The following SNX4 variants were observed in gnomAD, a reference collection of about 807,000 sequenced individuals.
The protein encoded by SNX4 is sorting nexin-4.
In SNX4, 49 loss-of-function variants were observed where a neutral mutation model predicts 70.8. The observed-to-expected ratio is 0.69, with a 90% CI of 0.55 to 0.88. The LOEUF is 0.88. Ranked by LOEUF, SNX4 falls within the 40% of genes least tolerant of loss-of-function variation. The pLI is 0.00. For missense variants in SNX4, 528 were observed against 544.8 expected (o/e 0.97, Z 0.31); for synonymous variants, 206 against 183.8 (o/e 1.12, Z -0.98).
At chr3:125,459,357 T>C (rs575151150) in intron 10 of SNX4, among the ~76,000 whole-genome samples, 2 of 152,298 alleles carry the variant, frequency 1.3e-5, no homozygotes, top group East Asian at 1.9e-4. Flanking sequence ...CAAATGGCTA[T>C]ACACCCTGGC....
chr3:125,475,367 AT>A (rs1934268608), intron 8 of SNX4, among the ~76,000 whole-genome samples: 1 of 151,648 alleles, frequency 6.6e-6, no homozygotes, highest in Non-Finnish European at 1.5e-5. Flanking sequence ...CTGAGAAAAA[AT>A]TTTTTTCATT....
chr3:125,448,744 C>T (rs1319070449), intron 13 of SNX4, among the ~76,000 whole-genome samples: 3 of 139,094 alleles, frequency 2.2e-5, no homozygotes, highest in South Asian at 2.2e-4. Context: ...GGCGCGATCT[C>T]GGCTCACTGC....
intron 1 of SNX4, among the ~76,000 whole-genome samples, chr3:125,514,359 T>C (rs1368995974): frequency 2.6e-5 from 4 of 151,536 alleles, no homozygotes; most frequent in Non-Finnish European, 5.9e-5. Flanking sequence ...TCATGGTCCA[T>C]GAAATTAATT....
intron 8 of SNX4, among the ~76,000 whole-genome samples, chr3:125,471,482 G>T (rs1934174094): frequency 6.6e-6 from 1 of 151,904 alleles, no homozygotes; most frequent in Non-Finnish European, 1.5e-5. Context: ...AAGTTGGTGT[G>T]CCTTTGCACA....
chr3:125,463,614 A>G (rs943560493), intron 9 of SNX4, among the ~76,000 whole-genome samples: 14 of 152,224 alleles, frequency 9.2e-5, no homozygotes, highest in Non-Finnish European at 4.4e-5. Context: ...GGCCTAAGGA[A>G]AAGTAATATT....
At chr3:125,474,440 C>A (rs985011075) in intron 8 of SNX4, among the ~76,000 whole-genome samples, 1 of 152,082 alleles carries the variant, frequency 6.6e-6, no homozygotes, top group African/African-American at 2.4e-5. Flanking sequence ...ATCTTAGCCT[C>A]CCAAGCAGCT....
At position 125,504,610 on chromosome 3, in the gene SNX4, T is replaced by A. The variant is rs1427400027; in HGVS notation, c.263+13A>T. The stretch of plus-strand genomic sequence containing the variant: ...TTCTGTCTACCTGCCCAGGTGTAAT[T>A]TCTGTTACCCACCTTGTTTCAATGA... On this transcript the variant is annotated intron_variant, in intron 2 of 13. Coordinates refer to ENST00000251775, the MANE Select transcript of SNX4 (RefSeq NM_003794.4). 1 of 1,608,182 alleles carries A rather than the reference T, an allele frequency of 6.2e-7. No individual in the cohort carries two copies.
intron 1 of SNX4, among the ~76,000 whole-genome samples, chr3:125,517,292 C>A (rs1036568655): frequency 6.6e-6 from 1 of 152,204 alleles, no homozygotes; most frequent in Non-Finnish European, 1.5e-5. Context: ...TCTCTATGAG[C>A]CTCTGGCTGG....
chr3:125,493,905 T>C (rs1334158751), intron 5 of SNX4, among the ~76,000 whole-genome samples: 1 of 151,560 alleles, frequency 6.6e-6, no homozygotes, highest in Non-Finnish European at 1.5e-5. Context: ...GGCATGGTGG[T>C]GAGCGCCTGT....
chr3:125,493,979 G>C (rs957569542), intron 5 of SNX4, among the ~76,000 whole-genome samples: 2 of 150,888 alleles, frequency 1.3e-5, no homozygotes, highest in Non-Finnish European at 2.9e-5. Flanking sequence ...GGAGCTTGTA[G>C]TGAGCAGAGA....
At chr3:125,489,744 A>G (rs770461134) in intron 5 of SNX4, among the ~76,000 whole-genome samples, 3 of 152,266 alleles carry the variant, frequency 2.0e-5, no homozygotes, top group Non-Finnish European at 4.4e-5. Flanking sequence ...GCTCTGCATT[A>G]TTAGAATTCG....
At chr3:125,461,664 ATTT>A in intron 9 of SNX4, among the ~76,000 whole-genome samples, 1 of 144,864 alleles carries the variant, frequency 6.9e-6, no homozygotes. Flanking sequence ...TTTTATACTA[ATTT>A]TTTTTTTTTT....
At chr3:125,501,718 T>C (rs1355460201) in intron 2 of SNX4, among the ~76,000 whole-genome samples, 1 of 152,152 alleles carries the variant, frequency 6.6e-6, no homozygotes, top group Non-Finnish European at 1.5e-5. Context: ...AATCCTGCAG[T>C]TGTTTAACCA....
intron 9 of SNX4, among the ~76,000 whole-genome samples, chr3:125,468,543 G>GA (rs201403931): frequency 0.016 from 2,308 of 147,574 alleles, 135 homozygotes; most frequent in East Asian, 0.12. Context: ...TCTAAAAAAA[G>GA]AAAAAAAAAA....
At chr3:125,512,527 C>T (rs1359289560) in intron 1 of SNX4, among the ~76,000 whole-genome samples, 5 of 152,110 alleles carry the variant, frequency 3.3e-5, no homozygotes, top group Non-Finnish European at 5.9e-5. Context: ...AAGTACAGAA[C>T]AGTGCCAAGA....
In SNX4 at chr3:125,454,956, T is replaced by G. The variant is rs562479316; in HGVS notation, c.1045-1001A>C. Among the ~76,000 whole-genome samples the G allele has an allele frequency of 9.2e-5, 14 of 151,486 alleles. 2 individuals are homozygous for G. The South Asian group carries it at 2.9e-3, about 32-fold the overall frequency. ...ATTTCTTTTTTTTTTTGAAATGGGG[T>G]CTTGCTCTGTTGCCCAGGCTAGAAT... On this transcript the variant is annotated intron_variant, in intron 11 of 13. Transcript: ENST00000251775.
At chr3:125,457,920 T>C (rs1031873250) in intron 10 of SNX4, among the ~76,000 whole-genome samples, 12 of 152,124 alleles carry the variant, frequency 7.9e-5, no homozygotes, top group Admixed American at 5.2e-4. Context: ...TTGTTTTCCA[T>C]ATACTTGGAA....
chr3:125,472,619 A>G (rs1274856481), intron 8 of SNX4, among the ~76,000 whole-genome samples: 1 of 152,212 alleles, frequency 6.6e-6, no homozygotes, highest in Non-Finnish European at 1.5e-5. Context: ...CACTTGGTAC[A>G]GCTGCTTCTG....
intron 6 of SNX4, among the ~76,000 whole-genome samples, chr3:125,484,838 GGTGGATCACCTGAAGTCAGGA>G (rs1292580437): frequency 6.6e-6 from 1 of 151,970 alleles, no homozygotes; most frequent in East Asian, 1.9e-4. Flanking sequence ...AGCCAGGCCG[GGTGGATCACCTGAAGTCAGGA>G]GTGCGAGACC....
Sources: allele counts gnomAD v4.1 joint callset (sites outside exome capture counted in the v4.1 genomes callset), GRCh38; gene constraint gnomAD v4.1.1; transcripts MANE v1.5; gene names NCBI Gene and HGNC (gene_info 2026-07-23, HGNC 2026-07-21).